STAG1: variants seen among roughly 807,000 people sequenced by gnomAD.
STAG1 encodes the protein cohesin subunit SA-1.
Under a neutral mutation model 170.9 loss-of-function variants are expected in STAG1, and 26 were observed. The ratio of observed to expected loss-of-function variants is 0.15; its 90% CI spans 0.11 to 0.21. The LOEUF is 0.21. STAG1 is among the 10% of genes least tolerant of loss of function. STAG1 has a pLI of 1.00. For synonymous variants in STAG1, 514 were observed against 497.7 expected, an observed-to-expected ratio of 1.03 and a Z score of -0.44; for missense variants, 964 against 1,509.5, an observed-to-expected ratio of 0.64 and a Z score of 5.99.
intron 2 of STAG1, among the ~76,000 whole-genome samples, chr3:136,624,618 T>TTGTAA (rs1375713408): frequency 1.3e-5 from 2 of 152,238 alleles, no homozygotes; most frequent in Non-Finnish European, 2.9e-5. Context: ...TGTTATTGTA[T>TTGTAA]TGTAATGGGT....
intron 1 of STAG1, among the ~76,000 whole-genome samples, chr3:136,725,526 C>T (rs181548921): frequency 3.9e-5 from 6 of 152,192 alleles, no homozygotes; most frequent in East Asian, 1.9e-4. Context: ...CTAGTAATAA[C>T]GCCAATTCTA....
chr3:136,622,069 G>T (rs1357026888), intron 3 of STAG1, among the ~76,000 whole-genome samples: 7 of 148,234 alleles, frequency 4.7e-5, no homozygotes, highest in Non-Finnish European at 8.9e-5. Context: ...AGGCTGAGGC[G>T]GGTGGATCAC....
chr3:136,620,599 T>C lies in STAG1; in HGVS notation c.132+2547A>G, dbSNP rs745939728. ...ACACTAGTGTGAGGATTAAATAACA[T>C]AAAAAGCCAAAACAAAGCTCAAAGT... On this transcript the variant is annotated intron_variant, in intron 3 of 33. Transcript: ENST00000383202. Among the ~76,000 whole-genome samples the C allele has an allele frequency of 5.3e-5, 8 of 152,276 alleles. No individual in the cohort carries two copies. In the South Asian group the frequency reaches 1.0e-3, roughly 20 times the overall value.
At chr3:136,656,170 A>T (rs1415649347) in intron 1 of STAG1, among the ~76,000 whole-genome samples, 2 of 152,148 alleles carry the variant, frequency 1.3e-5, no homozygotes, top group Non-Finnish European at 2.9e-5. Context: ...AAAATAAAAA[A>T]AAAAAACACC....
chr3:136,380,904 C>T (rs1236753797), intron 22 of STAG1, among the ~76,000 whole-genome samples: 1 of 151,278 alleles, frequency 6.6e-6, no homozygotes, highest in Non-Finnish European at 1.5e-5. Context: ...CCTGTAATCC[C>T]AACTACTCAG....
At chr3:136,509,796 T>A (rs1231867204) in intron 7 of STAG1, among the ~76,000 whole-genome samples, 2 of 152,240 alleles carry the variant, frequency 1.3e-5, no homozygotes, top group African/African-American at 4.8e-5. Flanking sequence ...TTTGCATTTC[T>A]GTCTTGCTAA....
chr3:136,649,075 T>C (rs1941127294), intron 1 of STAG1, among the ~76,000 whole-genome samples: 1 of 152,242 alleles, frequency 6.6e-6, no homozygotes, highest in Non-Finnish European at 1.5e-5. Context: ...TATCAAATTA[T>C]ATACTTGTAG....
chr3:136,606,453 G>A (rs989334340), intron 3 of STAG1, among the ~76,000 whole-genome samples: 3 of 152,126 alleles, frequency 2.0e-5, no homozygotes, highest in African/African-American at 7.2e-5. Flanking sequence ...CTCCCAAAGT[G>A]CCACAATGAC....
chr3:136,673,382 T>G (rs1288072947), intron 1 of STAG1, among the ~76,000 whole-genome samples: 1 of 152,206 alleles, frequency 6.6e-6, no homozygotes, highest in East Asian at 1.9e-4. Flanking sequence ...GAGCCTAGGA[T>G]GAACAGTATT....
At chr3:136,635,254 A>G (rs1017089569) in intron 1 of STAG1, among the ~76,000 whole-genome samples, 3 of 152,216 alleles carry the variant, frequency 2.0e-5, no homozygotes, top group Non-Finnish European at 4.4e-5. Context: ...CACAATGTGT[A>G]AAAAGAATTT....
At chr3:136,363,810 A>C (rs1451140033) in intron 25 of STAG1, among the ~76,000 whole-genome samples, 1 of 152,166 alleles carries the variant, frequency 6.6e-6, no homozygotes, top group Non-Finnish European at 1.5e-5. Flanking sequence ...GCTGGAGTGC[A>C]GTGGTGTGAT....
At chr3:136,542,497 A>G (rs1935958542) in intron 5 of STAG1, among the ~76,000 whole-genome samples, 1 of 152,124 alleles carries the variant, frequency 6.6e-6, no homozygotes, top group Non-Finnish European at 1.5e-5. Flanking sequence ...TTGCTGATAA[A>G]AGTATATAAT....
intron 1 of STAG1, among the ~76,000 whole-genome samples, chr3:136,639,523 A>G (rs577471798): frequency 1.6e-4 from 25 of 152,366 alleles, no homozygotes; most frequent in African/African-American, 5.8e-4. Flanking sequence ...TAGGAAAAGC[A>G]TATCACTAGT....
intron 9 of STAG1, among the ~76,000 whole-genome samples, chr3:136,498,264 A>AC (rs1292768792): frequency 2.4e-4 from 23 of 96,550 alleles, no homozygotes; most frequent in African/African-American, 8.6e-4. Context: ...ACACACACAC[A>AC]CACACACACC....
chr3:136,662,899 A>C (rs971349453), intron 1 of STAG1, among the ~76,000 whole-genome samples: 1 of 152,076 alleles, frequency 6.6e-6, no homozygotes, highest in African/African-American at 2.4e-5. Flanking sequence ...TAAATGTCAA[A>C]AATTAGCCAA....
chr3:136,611,504 C>CT (rs1220753111), intron 3 of STAG1, among the ~76,000 whole-genome samples: 137 of 149,528 alleles, frequency 9.2e-4, no homozygotes, highest in African/African-American at 1.4e-3. Context: ...TTTACTTTTT[C>CT]TTTTTTTTTG....
intron 1 of STAG1, among the ~76,000 whole-genome samples, chr3:136,675,124 T>C (rs577471084): frequency 1.4e-4 from 21 of 152,332 alleles, no homozygotes; most frequent in African/African-American, 4.8e-4. Flanking sequence ...AAAATAAGGA[T>C]TTAGACAGGA....
At chr3:136,618,031 A>G (rs1280966658) in intron 3 of STAG1, among the ~76,000 whole-genome samples, 1 of 152,206 alleles carries the variant, frequency 6.6e-6, no homozygotes, top group Non-Finnish European at 1.5e-5. Context: ...GTATCTTTTT[A>G]TTGTTAGATA....
intron 22 of STAG1, among the ~76,000 whole-genome samples, chr3:136,391,154 G>A (rs1050062148): frequency 1.3e-5 from 2 of 152,146 alleles, no homozygotes; most frequent in African/African-American, 4.8e-5. Context: ...TTGACATAAA[G>A]GATTTGAAAT....
Sources: gnomAD v4.1 joint callset for allele counts (sites outside exome capture counted in the v4.1 genomes callset) on GRCh38, gnomAD v4.1.1 for gene constraint, MANE v1.5 for transcripts, NCBI Gene and HGNC (gene_info 2026-07-23, HGNC 2026-07-21) for gene names.